TBCCD1: variants seen among roughly 807,000 people sequenced by gnomAD.
The protein encoded by TBCCD1 is TBCC domain containing 1.
A neutral mutation model predicts 53.4 loss-of-function variants in TBCCD1; 26 were observed. The observed-to-expected ratio is 0.49, with a 90% CI of 0.36 to 0.68. The LOEUF is 0.68. Ranked by LOEUF, TBCCD1 falls within the 30% of genes least tolerant of loss-of-function variation. The pLI is 0.00. For synonymous variants in TBCCD1, 245 were observed against 241.7 expected, an observed-to-expected ratio of 1.01 and a Z score of -0.13; for missense variants, 558 against 669.5, an observed-to-expected ratio of 0.83 and a Z score of 1.84.
chr3:186,563,911 T>C (rs773533324), intron 2 of TBCCD1, 83 bp downstream of exon 2: 15 of 1,446,964 alleles, frequency 1.0e-5, no homozygotes, highest in Middle Eastern at 1.9e-4. Flanking sequence ...CTAAAAATTG[T>C]AATAAGCAAA....
intron 1 of TBCCD1, among the ~76,000 whole-genome samples, chr3:186,566,330 C>A (rs1031152079): frequency 6.6e-6 from 1 of 152,154 alleles, no homozygotes; most frequent in Non-Finnish European, 1.5e-5. Flanking sequence ...CGTGACCCAC[C>A]GCACCCGGCC....
In TBCCD1 at chr3:186,554,202, C is replaced by T. The variant is rs1714456167; in HGVS notation, c.1544+52G>A. 1.1e-5 allele frequency: 17 copies of T among 1,596,606 alleles called. No homozygotes were observed. The South Asian group carries it at 1.9e-4, about 18-fold the overall frequency. On this transcript the variant is annotated intron_variant, in intron 6 of 7. Coordinates refer to ENST00000338733, the MANE Select transcript of TBCCD1 (RefSeq NM_018138.5). ...TAAAAATGTGCAGACTAATTTGTTT[C>T]TCCATGGAGTTTCACAAAAAACACA... is the stretch of plus-strand genomic sequence containing the variant.
intron 4 of TBCCD1, among the ~76,000 whole-genome samples, chr3:186,556,205 T>A (rs1714535316): frequency 6.6e-6 from 1 of 152,228 alleles, no homozygotes; most frequent in Non-Finnish European, 1.5e-5. Flanking sequence ...AAATAATTTG[T>A]AATCCTACTA....
intron 5 of TBCCD1, 43 bp downstream of exon 5, chr3:186,554,855 A>G: frequency 6.2e-7 from 1 of 1,605,262 alleles, no homozygotes; most frequent in South Asian, 1.1e-5. Context: ...CACAGTCCAA[A>G]GAAAATGTCA....
intron 7 of TBCCD1, 64 bp downstream of exon 7, chr3:186,551,065 G>A (rs1714358349): frequency 1.3e-6 from 2 of 1,543,744 alleles, no homozygotes; most frequent in South Asian, 1.2e-5. Context: ...AATATTCTGT[G>A]CCTTTTTTTT....
At chr3:186,551,552 T>C (rs1714381541) in intron 6 of TBCCD1, among the ~76,000 whole-genome samples, 4 of 152,138 alleles carry the variant, frequency 2.6e-5, no homozygotes, top group Admixed American at 2.6e-4. Context: ...GATAAATGTA[T>C]AGAGAAGAGA....
rs1288797247 is a variant in TBCCD1, at chr3:186,564,111, C to T, written c.219G>A (p.Trp73Ter). The change falls in exon 2 of 8, where the codon TGG becomes TGA. Residue 73 changes from tryptophan to a stop codon, truncating the protein, a stop_gained. Coordinates refer to ENST00000338733, the MANE Select transcript of TBCCD1 (RefSeq NM_018138.5). LOFTEE classifies it high-confidence loss of function. ...GKLQLAKDLA[W>*]LYFEIFDSLS... ...GACTATCAAATATTTCGAAGTAAAG[C>T]CACGCCAGGTCCTTGGCCAACTGCA... 2 of 1,614,200 alleles carry T rather than the reference C, an allele frequency of 1.2e-6. No homozygotes were observed. Among genetic ancestry groups the T allele is most frequent in the East Asian group, 2.2e-5 (1 of 44,886 alleles).
At position 186,555,066 on chromosome 3, in the gene TBCCD1, C is replaced by T. The variant is rs765293819; in HGVS notation, c.878G>A (p.Arg293Lys). 1 of 1,603,256 alleles carries T rather than the reference C, an allele frequency of 6.2e-7. No individual in the cohort carries two copies. ...ATGAGTATTACAAGCAATCTTAGCT[C>T]TTTTGGTGGTCCCTTCAACTATTTA... is the stretch of plus-strand genomic sequence containing the variant. ...WAHQVEGTTK[R>K]AKIACNTHVA... Residue 293 changes from arginine to lysine, a missense_variant, in exon 5 of 8, where the codon AGA becomes AAA. Transcript: ENST00000338733.
chr3:186,570,235 G>A (rs187398701), upstream of TBCCD1: 4 of 627,700 alleles, frequency 6.4e-6, no homozygotes, highest in Admixed American at 9.4e-5. Context: ...TGCGTCTGAT[G>A]TACACCTGTC....
At chr3:186,560,855 G>C (rs1393318862) in intron 2 of TBCCD1, among the ~76,000 whole-genome samples, 1 of 152,138 alleles carries the variant, frequency 6.6e-6, no homozygotes, top group Admixed American at 6.6e-5. Flanking sequence ...TTTCCACAAG[G>C]GTGTCAAGAA....
At chr3:186,555,963 C>T (rs1268154141) in intron 4 of TBCCD1, among the ~76,000 whole-genome samples, 3 of 152,166 alleles carry the variant, frequency 2.0e-5, no homozygotes, top group African/African-American at 7.2e-5. Flanking sequence ...GTTCTCCTAA[C>T]ACAGTCACAC....
Position 186,546,916 on chromosome 3 carries a change from A to G in TBCCD1, c.*61T>C, listed in dbSNP as rs1297820696. ...TCCCAATTTAGTTTCAAGTTTCAAG[A>G]TGAGCACCATCCTCCATTTATCCTT... On this transcript the variant is annotated 3_prime_UTR_variant, in exon 8 of 8. Coordinates refer to ENST00000338733, the MANE Select transcript of TBCCD1 (RefSeq NM_018138.5). 2 of 151,954 alleles carry G rather than the reference A, an allele frequency of 1.3e-5. No individual in the cohort carries two copies. Among genetic ancestry groups the G allele is most frequent in the East Asian group, 1.9e-4 (1 of 5,194 alleles). 9.4% of individuals were successfully genotyped at this position (151,954 alleles called of 1,614,324 possible).
chr3:186,552,672 C>A (rs1485301174), intron 6 of TBCCD1, among the ~76,000 whole-genome samples: 1 of 152,200 alleles, frequency 6.6e-6, no homozygotes, highest in East Asian at 1.9e-4. Context: ...CTAGAACTCT[C>A]CCCCAAATCA....
At chr3:186,567,780 AT>A (rs1714882673), upstream of TBCCD1, among the ~76,000 whole-genome samples, 2 of 152,220 alleles carry the variant, frequency 1.3e-5, no homozygotes, top group African/African-American at 4.8e-5. Flanking sequence ...AAAGGTGAAA[AT>A]AACACAACCC....
rs1379833006 is a variant in TBCCD1 at position 186,564,149 on chromosome 3, C to T, written c.181G>A (p.Ala61Thr). ...RLYWSTWRHIACGKLQLAKDL... is the reference protein window; with the variant it reads ...RLYWSTWRHITCGKLQLAKDL... Reference sequence around the variant, plus strand: ...TTGGCCAACTGCAGCTTCCCACAAGCGATGTGCCTCCATGTAGACCAGTAG... The same window carrying T: ...TTGGCCAACTGCAGCTTCCCACAAGTGATGTGCCTCCATGTAGACCAGTAG... The change falls in exon 2 of 8, where the codon GCT becomes ACT. Residue 61 changes from alanine to threonine, a missense_variant. Coordinates refer to ENST00000338733, the MANE Select transcript of TBCCD1 (RefSeq NM_018138.5). 5 of 1,614,148 alleles carry T rather than the reference C, an allele frequency of 3.1e-6. No homozygotes were observed. Among genetic ancestry groups the T allele is most frequent in the African/African-American group, 1.3e-5 (1 of 75,024 alleles).
At chr3:186,547,188 A>G (rs188153597) in intron 7 of TBCCD1, among the ~76,000 whole-genome samples, 21 of 152,296 alleles carry the variant, frequency 1.4e-4, no homozygotes, top group Admixed American at 1.4e-3. Context: ...TAAGCAGTGA[A>G]GATTAAACAA....
upstream of TBCCD1, among the ~76,000 whole-genome samples, chr3:186,568,907 A>G (rs983148365): frequency 5.8e-5 from 8 of 138,274 alleles, no homozygotes; most frequent in Non-Finnish European, 1.5e-5. Context: ...TGTCTCAGGA[A>G]AAAAAAAGAA....
chr3:186,569,308 TTTTATTTA>T (rs373378087), upstream of TBCCD1, among the ~76,000 whole-genome samples: 5,041 of 150,518 alleles, frequency 0.033, 119 homozygotes, highest in Non-Finnish European at 0.054. Flanking sequence ...GACTTTTATT[TTTTATTTA>T]TTTATTTATT....
At chr3:186,557,855 C>T (rs1472423018) in intron 3 of TBCCD1, among the ~76,000 whole-genome samples, 1 of 152,150 alleles carries the variant, frequency 6.6e-6, no homozygotes, top group African/African-American at 2.4e-5. Context: ...GGCATTAATA[C>T]TGAGGCCTAC....
Sources: gnomAD v4.1 joint callset for allele counts (sites outside exome capture counted in the v4.1 genomes callset) on GRCh38, gnomAD v4.1.1 for gene constraint, MANE v1.5 for transcripts, NCBI Gene and HGNC (gene_info 2026-07-23, HGNC 2026-07-21) for gene names.